The following ARHGEF3 variants were observed in gnomAD, a reference collection of about 807,000 sequenced individuals.
The protein encoded by ARHGEF3 is Rho guanine nucleotide exchange factor 3, also known as 59.8 kDA protein.
A neutral mutation model predicts 63.2 loss-of-function variants in ARHGEF3; 28 were observed. The observed-to-expected ratio is 0.44, with a 90% confidence interval of 0.33 to 0.61. The LOEUF is 0.61. Among genes scored for constraint, ARHGEF3 ranks in the 20% least tolerant of loss-of-function variants. The pLI is 0.03. For missense variants in ARHGEF3, 533 were observed against 659.3 expected (o/e 0.81, Z 2.10); for synonymous variants, 266 against 254.2 (o/e 1.05, Z -0.44).
intron 1 of ARHGEF3, among the ~76,000 whole-genome samples, chr3:56,801,279 CA>C (rs1005597945): frequency 7.2e-5 from 11 of 151,926 alleles, no homozygotes; most frequent in East Asian, 3.9e-4. Flanking sequence ...ACAACCCAGG[CA>C]AAAAAAACTC....
intron 1 of ARHGEF3, chr3:57,075,098 T>C (rs1322814758): frequency 1.2e-5 from 2 of 167,116 alleles, no homozygotes; most frequent in African/African-American, 2.4e-5. Flanking sequence ...TGAGGTTGCA[T>C]GCAATTGTCC....
At chr3:57,031,217 C>T (rs557173504) in intron 2 of ARHGEF3, among the ~76,000 whole-genome samples, 5 of 152,160 alleles carry the variant, frequency 3.3e-5, no homozygotes, top group African/African-American at 1.2e-4. Flanking sequence ...GAGACGTAGC[C>T]CCATGAGGTT....
rs1464689369 is a variant in ARHGEF3 at position 56,732,428 on chromosome 3, G to A, written c.1042-4C>T. On this transcript the variant is annotated splice_region_variant and splice_polypyrimidine_tract_variant and intron_variant, in intron 8 of 9. Coordinates refer to ENST00000296315, the MANE Select transcript of ARHGEF3 (RefSeq NM_019555.3). ...GGAACAGGAAAACATGCAGTTTCTA[G>A]AAGAAAAAAATCCACAAGCTTTCAT... 14 of 1,613,886 alleles carry A rather than the reference G, an allele frequency of 8.7e-6. No individual in the cohort carries two copies. The highest frequency in any genetic ancestry group is 5.0e-5 in the Admixed American group (3 of 59,974).
At chr3:56,982,764 CTG>C (rs1236882204) in intron 2 of ARHGEF3, among the ~76,000 whole-genome samples, 26 of 152,160 alleles carry the variant, frequency 1.7e-4, no homozygotes, top group Non-Finnish European at 3.4e-4. Flanking sequence ...CACCTGTCTG[CTG>C]CCTTGGTCAG....
At chr3:56,949,685 C>T (rs1292077436) in intron 3 of ARHGEF3, among the ~76,000 whole-genome samples, 9 of 151,968 alleles carry the variant, frequency 5.9e-5, no homozygotes, top group East Asian at 3.9e-4. Flanking sequence ...GAATCAATAT[C>T]GTGAAAATGG....
intron 2 of ARHGEF3, among the ~76,000 whole-genome samples, chr3:56,983,074 C>A (rs1354862113): frequency 6.6e-6 from 1 of 152,036 alleles, no homozygotes; most frequent in Non-Finnish European, 1.5e-5. Context: ...AATAATTTAA[C>A]TTCTAAGTTA....
chr3:56,868,178 C>T (rs1041924619), intron 4 of ARHGEF3, among the ~76,000 whole-genome samples: 3 of 152,062 alleles, frequency 2.0e-5, no homozygotes, highest in African/African-American at 7.2e-5. Flanking sequence ...TTCTTTGAAA[C>T]TCAATGCTTC....
chr3:56,801,279 C>A (rs1553757841), intron 1 of ARHGEF3, among the ~76,000 whole-genome samples: 1 of 151,808 alleles, frequency 6.6e-6, no homozygotes, highest in Non-Finnish European at 1.5e-5. Context: ...ACAACCCAGG[C>A]AAAAAAAACT....
intron 3 of ARHGEF3, 140 bp from the exon 4 acceptor site, chr3:56,753,706 T>C (rs1488496690): frequency 5.7e-6 from 4 of 704,216 alleles, no homozygotes; most frequent in Non-Finnish European, 9.8e-6. Context: ...AGCAAATGCA[T>C]CTATGCTTAA....
chr3:56,802,716 A>G (rs1247349583), upstream of ARHGEF3, among the ~76,000 whole-genome samples: 3 of 152,220 alleles, frequency 2.0e-5, no homozygotes, highest in Non-Finnish European at 2.9e-5. Context: ...ATGACCTGGC[A>G]CTACCACACC....
chr3:56,931,300 G>A (rs2042403705), intron 3 of ARHGEF3, among the ~76,000 whole-genome samples: 1 of 151,868 alleles, frequency 6.6e-6, no homozygotes, highest in Non-Finnish European at 1.5e-5. Flanking sequence ...TTTTGGCCAG[G>A]TGCAGTGGCT....
chr3:56,891,871 G>A (rs2041134600), intron 3 of ARHGEF3, among the ~76,000 whole-genome samples: 2 of 152,124 alleles, frequency 1.3e-5, no homozygotes, highest in South Asian at 2.1e-4. Context: ...TACTTAAAAT[G>A]TCTAAAAGTC....
intron 3 of ARHGEF3, among the ~76,000 whole-genome samples, chr3:56,942,366 A>G (rs1235081179): frequency 6.6e-6 from 1 of 152,206 alleles, no homozygotes; most frequent in East Asian, 1.9e-4. Context: ...ATTATTACAT[A>G]TCTGTTACGG....
At chr3:56,780,119 C>T (rs1368838975) in intron 1 of ARHGEF3, among the ~76,000 whole-genome samples, 1 of 152,222 alleles carries the variant, frequency 6.6e-6, no homozygotes, top group Admixed American at 6.5e-5. Context: ...GGACCATGTA[C>T]TGGACTATAC....
At chr3:56,987,623 C>T (rs975144160) in intron 2 of ARHGEF3, among the ~76,000 whole-genome samples, 10 of 152,152 alleles carry the variant, frequency 6.6e-5, no homozygotes, top group Admixed American at 1.3e-4. Context: ...TTCTCAGCAG[C>T]AGAAACCTTG....
At chr3:56,943,892 C>A (rs989170616) in intron 3 of ARHGEF3, among the ~76,000 whole-genome samples, 1 of 142,362 alleles carries the variant, frequency 7.0e-6, no homozygotes, top group African/African-American at 2.7e-5. Context: ...CCAGCCTGGG[C>A]GACAGAGAGA....
chr3:56,886,526 G>A lies in ARHGEF3; in HGVS notation c.130-4172C>T, dbSNP rs555111969. Reference sequence around the variant, plus strand: ...GCCAGTGATCTACAGAGTAGCTCATGGAAGAAATCACCAGTTGGAAATAAG... The same window carrying A: ...GCCAGTGATCTACAGAGTAGCTCATAGAAGAAATCACCAGTTGGAAATAAG... On this transcript the variant is annotated intron_variant, in intron 3 of 12. Coordinates refer to the ARHGEF3 transcript ENST00000338458. 2.6e-5 allele frequency among the ~76,000 whole-genome samples: 4 copies of A among 152,296 alleles called. No homozygotes were observed. The South Asian group carries it at 8.3e-4, about 32-fold the overall frequency.
chr3:56,759,954 C>A (rs2035325187), intron 2 of ARHGEF3, among the ~76,000 whole-genome samples: 1 of 152,196 alleles, frequency 6.6e-6, no homozygotes, highest in Non-Finnish European at 1.5e-5. Flanking sequence ...ACCTCAAATT[C>A]ACGTATTCTT....
chr3:56,847,868 A>T (rs1394568490), intron 4 of ARHGEF3, among the ~76,000 whole-genome samples: 3 of 152,062 alleles, frequency 2.0e-5, no homozygotes, highest in African/African-American at 7.2e-5. Context: ...GTGAGCCACC[A>T]TGCCTGGCCT....
Sources: gnomAD v4.1 joint callset for allele counts (sites outside exome capture counted in the v4.1 genomes callset) on GRCh38, gnomAD v4.1.1 for gene constraint, MANE v1.5 for transcripts, NCBI Gene and HGNC (gene_info 2026-07-23, HGNC 2026-07-21) for gene names.